The following MDM2 variants were observed in gnomAD, a reference collection of about 807,000 sequenced individuals.
MDM2 encodes the protein E3 ubiquitin-protein ligase Mdm2.
In MDM2, 11 loss-of-function variants were observed where a neutral mutation model predicts 64.3. The ratio of observed to expected loss-of-function variants is 0.17; its 90% CI spans 0.11 to 0.28. The LOEUF (loss-of-function observed/expected upper bound fraction) is 0.28, where lower values mean the gene tolerates loss of function less well. Ranked by LOEUF, MDM2 falls within the 10% of genes least tolerant of loss-of-function variation. The pLI is 1.00. For synonymous variants in MDM2, 194 were observed against 192.9 expected, an observed-to-expected ratio of 1.01 and a Z score of -0.05; for missense variants, 388 against 577.1, an observed-to-expected ratio of 0.67 and a Z score of 3.36.
At chr12:68,829,855 T>C (rs1452376754) in intron 8 of MDM2, among the ~76,000 whole-genome samples, 1 of 151,820 alleles carries the variant, frequency 6.6e-6, no homozygotes, top group Admixed American at 6.6e-5. Flanking sequence ...ACTTCCAAAA[T>C]ATTAGTGAGC....
intron 10 of MDM2, among the ~76,000 whole-genome samples, chr12:68,837,088 G>A (rs192119064): frequency 6.6e-6 from 1 of 151,632 alleles, no homozygotes; most frequent in Admixed American, 6.6e-5. Context: ...TGAGTAGCTG[G>A]AATTACAGGC....
chr12:68,833,141 A>AT (rs1565743685), intron 8 of MDM2, among the ~76,000 whole-genome samples: 3 of 112,994 alleles, frequency 2.7e-5, no homozygotes, highest in African/African-American at 3.9e-5. Context: ...AAAAAAAAAA[A>AT]AAAAAAAAAT....
intron 7 of MDM2, among the ~76,000 whole-genome samples, chr12:68,827,836 T>C (rs1016912628): frequency 6.6e-6 from 1 of 152,166 alleles, no homozygotes; most frequent in Non-Finnish European, 1.5e-5. Flanking sequence ...GTTTAAAATA[T>C]AGGGTACTGA....
In MDM2 at chr12:68,833,280, A is replaced by AATATATATATTT. The variant is rs1170236023; in HGVS notation, c.685-2544_685-2543insTATATTTATATA. Among the ~76,000 whole-genome samples, 275 of 63,042 alleles carry AATATATATATTT rather than the reference A, an allele frequency of 4.4e-3. 19 individuals are homozygous for AATATATATATTT. The highest frequency in any genetic ancestry group is 5.9e-3 in the Non-Finnish European group (170 of 28,766). 41.4% of individuals were successfully genotyped at this position (63,042 alleles called of 152,430 possible). A position where few individuals can be genotyped will look rare whatever the true frequency, so the allele number is the denominator to read the frequency against. ...ATTTATATAATTATATATTTATATA[A>AATATATATATTT]ATATAAATATATATATTTATATAAA... On this transcript the variant is annotated intron_variant, in intron 8 of 10. Coordinates refer to ENST00000258149, the MANE Select transcript of MDM2 (RefSeq NM_002392.6).
Position 68,816,844 on chromosome 12 carries a change from T to C in MDM2, c.207T>C (p.Thr69=). The change falls in exon 4 of 11, where the codon ACT becomes ACC. Residue 69 remains threonine (T), a synonymous_variant. Transcript: ENST00000258149. ...TTTATCTTGGCCAGTATATTATGAC[T>C]AAACGATTATATGATGAGAAGCAAC... ...VLFYLGQYIM[T]KRLYDEKQQH... The C allele has an allele frequency of 1.2e-6, 2 of 1,608,956 alleles. No individual in the cohort carries two copies. The highest frequency in any genetic ancestry group is 2.2e-5 in the East Asian group (1 of 44,730).
At chr12:68,818,815 C>G (rs1439081864) in intron 4 of MDM2, among the ~76,000 whole-genome samples, 2 of 151,254 alleles carry the variant, frequency 1.3e-5, no homozygotes, top group African/African-American at 4.9e-5. Context: ...GCTGCAACCT[C>G]TGCCTCCTGG....
At chr12:68,818,592 A>T (rs1381890841) in intron 4 of MDM2, among the ~76,000 whole-genome samples, 1 of 148,360 alleles carries the variant, frequency 6.7e-6, no homozygotes, top group East Asian at 1.9e-4. Flanking sequence ...TATTACAAAT[A>T]TATGTATAAT....
intron 3 of MDM2, among the ~76,000 whole-genome samples, chr12:68,816,135 G>T (rs954834656): frequency 1.3e-5 from 2 of 151,992 alleles, no homozygotes; most frequent in African/African-American, 2.4e-5. Context: ...TTACTAAGTG[G>T]CTCCAGACCA....
At chr12:68,833,290 T>TATTTATATAAATATAAAA (rs1883012391) in intron 8 of MDM2, among the ~76,000 whole-genome samples, 1 of 97,758 alleles carries the variant, frequency 1.0e-5, no homozygotes, top group Non-Finnish European at 1.8e-5. Context: ...AATATAAATA[T>TATTTATATAAATATAAAA]ATATATTTAT....
At chr12:68,819,310 C>T (rs1881653589) in intron 4 of MDM2, among the ~76,000 whole-genome samples, 1 of 152,138 alleles carries the variant, frequency 6.6e-6, no homozygotes, top group Non-Finnish European at 1.5e-5. Flanking sequence ...GTGACATCAA[C>T]GAATACTGGG....
At chr12:68,814,524 T>C in intron 3 of MDM2, 1 of 317,872 alleles carries the variant, frequency 3.1e-6, no homozygotes, top group Admixed American at 4.4e-5. Context: ...AGCTAAATTC[T>C]AGTTAGAAGT....
intron 3 of MDM2, among the ~76,000 whole-genome samples, chr12:68,815,228 T>C (rs1431152690): frequency 6.6e-6 from 1 of 152,200 alleles, no homozygotes; most frequent in Non-Finnish European, 1.5e-5. Context: ...TAGCAGTAGA[T>C]AGAAATGAGA....
At chr12:68,827,729 T>C (rs1189707101) in intron 7 of MDM2, among the ~76,000 whole-genome samples, 1 of 152,254 alleles carries the variant, frequency 6.6e-6, no homozygotes, top group Non-Finnish European at 1.5e-5. Flanking sequence ...GGTAGTATTC[T>C]CATTTATGTC....
chr12:68,813,029 A>G (rs185730331), intron 2 of MDM2, among the ~76,000 whole-genome samples: 115 of 151,812 alleles, frequency 7.6e-4, no homozygotes, highest in African/African-American at 2.6e-3. Context: ...TTTGAAATGT[A>G]GACTAACTAA....
chr12:68,810,856 CTTTTTG>C (rs530122878), intron 2 of MDM2, among the ~76,000 whole-genome samples: 28 of 151,034 alleles, frequency 1.9e-4, no homozygotes, highest in African/African-American at 6.1e-4. Flanking sequence ...GGCACCTTTC[CTTTTTG>C]TTTTTGTTTT....
intron 8 of MDM2, among the ~76,000 whole-genome samples, chr12:68,835,316 A>G (rs2136167288): frequency 6.6e-6 from 1 of 152,358 alleles, no homozygotes; most frequent in East Asian, 1.9e-4. Context: ...AGAAGGATGA[A>G]TAGGATTTTG....
chr12:68,814,450 G>A (rs1353621524), intron 3 of MDM2, among the ~76,000 whole-genome samples: 2 of 152,156 alleles, frequency 1.3e-5, no homozygotes, highest in Non-Finnish European at 2.9e-5. Flanking sequence ...GATTTTTGTT[G>A]GTGATGAAAT....
At chr12:68,831,522 A>G (rs1228113630) in intron 8 of MDM2, among the ~76,000 whole-genome samples, 1 of 152,190 alleles carries the variant, frequency 6.6e-6, no homozygotes, top group African/African-American at 2.4e-5. Flanking sequence ...AGCAAGGGCA[A>G]GAGGACAACG....
At position 68,808,268 on chromosome 12, in the gene MDM2, G is replaced by T. The variant is rs1797030158; in HGVS notation, c.-210G>T. On this transcript the variant is annotated 5_prime_UTR_variant, in exon 1 of 11. An upstream open reading frame in the 5' UTR gains an earlier in-frame stop. Coordinates refer to ENST00000258149, the MANE Select transcript of MDM2 (RefSeq NM_002392.6). Reference sequence around the variant, plus strand: ...AAAGATGGAGCAAGAAGCCGAGCCCGAGGGGCGGCCGCGACCCCTCTGACC... The same window carrying T: ...AAAGATGGAGCAAGAAGCCGAGCCCTAGGGGCGGCCGCGACCCCTCTGACC... 1 of 612,786 alleles carries T rather than the reference G, an allele frequency of 1.6e-6. No homozygotes were observed. Among genetic ancestry groups the T allele is most frequent in the Admixed American group, 2.9e-5 (1 of 34,030 alleles). 38.0% of individuals were successfully genotyped at this position (612,786 alleles called of 1,614,324 possible). A position where few individuals can be genotyped will look rare whatever the true frequency, so the allele number is the denominator to read the frequency against.
Sources: allele counts gnomAD v4.1 joint callset (sites outside exome capture counted in the v4.1 genomes callset), GRCh38; gene constraint gnomAD v4.1.1; transcripts MANE v1.5; gene names NCBI Gene and HGNC (gene_info 2026-07-23, HGNC 2026-07-21).